The following ACVR1B variants were observed in gnomAD, a reference collection of about 807,000 sequenced individuals.
The protein encoded by ACVR1B is activin A receptor type 1B, also known as activin receptor type-1B.
Under a neutral mutation model 55.6 loss-of-function variants are expected in ACVR1B, and 15 were observed. The observed-to-expected ratio is 0.27, with a 90% CI of 0.18 to 0.42. ACVR1B has a LOEUF of 0.42. Ranked by LOEUF, ACVR1B falls within the 10% of genes least tolerant of loss-of-function variation. ACVR1B has a pLI of 1.00. For synonymous variants in ACVR1B, 247 were observed against 254.6 expected (o/e 0.97, Z 0.28); for missense variants, 359 against 670.1 (o/e 0.54, Z 5.13).
chr12:51,967,119 A>C (rs1941656807), intron 1 of ACVR1B, among the ~76,000 whole-genome samples: 1 of 152,092 alleles, frequency 6.6e-6, no homozygotes, highest in East Asian at 1.9e-4. Flanking sequence ...AGGCGCCTGT[A>C]GTCCCAGCTA....
At chr12:51,952,622 T>G (rs897391131) in intron 1 of ACVR1B, among the ~76,000 whole-genome samples, 8 of 152,150 alleles carry the variant, frequency 5.3e-5, no homozygotes, top group Non-Finnish European at 8.8e-5. Context: ...TAGGTGTATT[T>G]GCTTTCCTCC....
chr12:51,975,014 A>C (rs952892936), intron 1 of ACVR1B, among the ~76,000 whole-genome samples: 5 of 152,188 alleles, frequency 3.3e-5, no homozygotes, highest in African/African-American at 4.8e-5. Flanking sequence ...TTTGAAGAAA[A>C]GGTAGTTCCT....
Position 51,995,725 on chromosome 12 carries a change from C to CA in ACVR1B, c.*1617dup, listed in dbSNP as rs1342344982. 6.6e-6 allele frequency: 1 copy of CA among 152,494 alleles called. No homozygotes were observed. The highest frequency in any genetic ancestry group is 1.5e-5 in the Non-Finnish European group (1 of 68,022). The allele number at this position is 152,494 out of a possible 1,614,324, so 9.4% of individuals were successfully genotyped here. ...ATTATCCAATTGAACGCACATAGCT[C>CA]AATCACACTGGAAATGTTTGTCCTT... On this transcript the variant is annotated 3_prime_UTR_variant, in exon 9 of 9. Transcript: ENST00000257963.
At chr12:51,972,133 G>C (rs1207960245) in intron 1 of ACVR1B, among the ~76,000 whole-genome samples, 1 of 152,180 alleles carries the variant, frequency 6.6e-6, no homozygotes, top group African/African-American at 2.4e-5. Flanking sequence ...TTAGCTGGGC[G>C]TGGTGGCACA....
chr12:51,966,037 G>A (rs984859324), intron 1 of ACVR1B, among the ~76,000 whole-genome samples: 2 of 151,516 alleles, frequency 1.3e-5, no homozygotes, highest in Admixed American at 6.6e-5. Flanking sequence ...CACAGGACCT[G>A]GAAAAGTAGA....
rs113737357 is a variant in ACVR1B at position 51,996,255 on chromosome 12, A to C, written c.*2145A>C. 1 of 152,546 alleles carries C rather than the reference A, an allele frequency of 6.6e-6. No individual in the cohort carries two copies. The highest frequency in any genetic ancestry group is 6.5e-5 in the Admixed American group (1 of 15,276). 9.4% of individuals were successfully genotyped at this position (152,546 alleles called of 1,614,324 possible). A position where few individuals can be genotyped will look rare whatever the true frequency, so the allele number is the denominator to read the frequency against. On this transcript the variant is annotated 3_prime_UTR_variant, in exon 9 of 9. Transcript: ENST00000257963. The stretch of plus-strand genomic sequence containing the variant: ...TGTCCCCAGGGGAGGTGTATTGTGT[A>C]TGTAGCCTTAGAGCATCTCTGCCTC...
At chr12:51,993,628 G>A (rs186937482) in intron 8 of ACVR1B, among the ~76,000 whole-genome samples, 1 of 152,080 alleles carries the variant, frequency 6.6e-6, no homozygotes, top group African/African-American at 2.4e-5. Flanking sequence ...TCAGCTGGGC[G>A]TAGTGGTGTG....
intron 1 of ACVR1B, among the ~76,000 whole-genome samples, chr12:51,957,504 C>T (rs970292590): frequency 6.6e-6 from 1 of 151,356 alleles, no homozygotes; most frequent in African/African-American, 2.4e-5. Context: ...CTCCTGGGCT[C>T]AAGGAATCCT....
intron 7 of ACVR1B, 166 bp downstream of exon 7, chr12:51,987,108 G>T: frequency 1.1e-6 from 1 of 915,186 alleles, no homozygotes; most frequent in East Asian, 2.5e-5. Flanking sequence ...GCTGTGCTTA[G>T]GGTGCGTTTA....
rs772618306 is a variant in ACVR1B, at chr12:51,985,366, T to C, written c.1136+18T>C. 5 of 1,597,720 alleles carry C rather than the reference T, an allele frequency of 3.1e-6. No individual in the cohort carries two copies. The South Asian group carries it at 3.4e-5, about 11-fold the overall frequency. ...ACCAAACGGTAGGAGGGCCTGGGAC[T>C]CTGCCCTTGCTAAGCAGCTTCTACT... On this transcript the variant is annotated intron_variant, in intron 6 of 8. Transcript: ENST00000257963.
chr12:51,972,420 G>A (rs1171919256), intron 1 of ACVR1B, among the ~76,000 whole-genome samples: 3 of 152,096 alleles, frequency 2.0e-5, no homozygotes, highest in Non-Finnish European at 4.4e-5. Context: ...GATGATTCTT[G>A]TGTTACAGTT....
chr12:51,972,496 A>T (rs1010871036), intron 1 of ACVR1B, among the ~76,000 whole-genome samples: 17 of 152,268 alleles, frequency 1.1e-4, no homozygotes, highest in Non-Finnish European at 1.9e-4. Flanking sequence ...AGGCTACACC[A>T]CTTAGACTAT....
At chr12:51,984,317 T>A in intron 5 of ACVR1B, 151 bp downstream of exon 5, 1 of 922,106 alleles carries the variant, frequency 1.1e-6, no homozygotes, top group Non-Finnish European at 1.6e-6. Context: ...GGTTTGAGCT[T>A]CACTTAAGTG....
rs117488978 is a variant in ACVR1B at position 51,976,745 on chromosome 12, T to C, written c.580+170T>C. ...GAGTCTGACGTGTAATAAGATAAGA[T>C]AATGGGTTCACAGAAAATCTCTCAT... On this transcript the variant is annotated intron_variant, in intron 3 of 8. Coordinates refer to ENST00000257963, the MANE Select transcript of ACVR1B (RefSeq NM_004302.5). Among the ~76,000 whole-genome samples, 1,262 of 152,326 alleles carry C rather than the reference T, an allele frequency of 8.3e-3. 4 individuals are homozygous for C. Among genetic ancestry groups the C allele is most frequent in the Non-Finnish European group, 0.013 (897 of 68,026 alleles).
At chr12:51,993,953 A>G in intron 8 of ACVR1B, 32 bp from the exon 9 acceptor site, 1 of 1,612,404 alleles carries the variant, frequency 6.2e-7, no homozygotes, top group Non-Finnish European at 8.5e-7. Flanking sequence ...CCAGGGCATG[A>G]CCGAGCTGAT....
intron 1 of ACVR1B, among the ~76,000 whole-genome samples, chr12:51,960,471 T>C (rs1242883955): frequency 3.9e-5 from 6 of 152,118 alleles, no homozygotes; most frequent in African/African-American, 1.2e-4. Flanking sequence ...TTGTTGGAAC[T>C]ACCACAAACT....
At chr12:51,976,243 A>G in intron 2 of ACVR1B, 84 bp from the exon 3 acceptor site, 1 of 1,520,810 alleles carries the variant, frequency 6.6e-7, no homozygotes. Flanking sequence ...GGTCTTTTTC[A>G]CTCTTCACTT....
intron 1 of ACVR1B, among the ~76,000 whole-genome samples, chr12:51,956,640 A>G (rs1481970373): frequency 1.3e-5 from 2 of 152,098 alleles, no homozygotes; most frequent in Non-Finnish European, 2.9e-5. Context: ...ATAAAGTTGA[A>G]TTGTAGAACT....
intron 1 of ACVR1B, among the ~76,000 whole-genome samples, chr12:51,957,749 C>T (rs764455023): frequency 2.0e-5 from 3 of 152,146 alleles, no homozygotes; most frequent in Non-Finnish European, 4.4e-5. Context: ...ATTGTTGGTT[C>T]ATTAACATTG....
Sources: gnomAD v4.1 joint callset for allele counts (sites outside exome capture counted in the v4.1 genomes callset) on GRCh38, gnomAD v4.1.1 for gene constraint, MANE v1.5 for transcripts, NCBI Gene and HGNC (gene_info 2026-07-23, HGNC 2026-07-21) for gene names.